The following NISCH variants were observed in gnomAD, a reference collection of about 807,000 sequenced individuals.
NISCH encodes nischarin.
NISCH carries 55 observed loss-of-function variants against 138.4 expected under a neutral mutation model. The observed-to-expected ratio is 0.40, with a 90% confidence interval of 0.32 to 0.50. The LOEUF is 0.50. NISCH is among the 20% of genes least tolerant of loss of function. NISCH has a pLI of 0.71. For synonymous variants in NISCH, 860 were observed against 861.5 expected, an observed-to-expected ratio of 1.00 and a Z score of 0.03; for missense variants, 1,643 against 2,005.5, an observed-to-expected ratio of 0.82 and a Z score of 3.45.
Position 52,477,612 on chromosome 3 carries a change from C to G in NISCH, c.957C>G (p.His319Gln), listed in dbSNP as rs1397220231. The change falls in exon 9 of 21, where the codon CAC (histidine) becomes CAG (glutamine). Residue 319 changes from histidine to glutamine, a missense_variant. His to Gln is a conservative substitution (Grantham distance 24, BLOSUM62 0). Coordinates refer to ENST00000345716, the MANE Select transcript of NISCH (RefSeq NM_007184.4). ...AGATTGAGTTCCTGGACCTGAGTCA[C>G]AATGGATTGCTGGTTGTGGACAATC... ...IPKIEFLDLSHNGLLVVDNLQ... is the reference protein window; with the variant it reads ...IPKIEFLDLSQNGLLVVDNLQ... The G allele has an allele frequency of 6.2e-7, 1 of 1,614,028 alleles. No homozygotes were observed. Among genetic ancestry groups the G allele is most frequent in the African/African-American group, 1.3e-5 (1 of 74,938 alleles).
chr3:52,463,011 G>A (rs1026684796), intron 3 of NISCH, among the ~76,000 whole-genome samples: 14 of 152,196 alleles, frequency 9.2e-5, no homozygotes, highest in Non-Finnish European at 2.1e-4. Context: ...CAATTCAGTA[G>A]TTTTTAGTAT....
At position 52,492,567 on chromosome 3, in the gene NISCH, A is replaced by T. The variant is rs1220872140; in HGVS notation, c.*85A>T. On this transcript the variant is annotated 3_prime_UTR_variant, in exon 21 of 21. Coordinates refer to ENST00000345716, the MANE Select transcript of NISCH (RefSeq NM_007184.4). ...CTTTTGTGTTCTCTAAAAATGTTTTATCCTCCCTTTGGTACCTTAATTTGA... is the reference window on the plus strand; with the variant it reads ...CTTTTGTGTTCTCTAAAAATGTTTTTTCCTCCCTTTGGTACCTTAATTTGA... 3 of 1,430,768 alleles carry T rather than the reference A, an allele frequency of 2.1e-6. No individual in the cohort carries two copies. In the African/African-American group the frequency reaches 4.3e-5, roughly 20 times the overall value. 88.6% of individuals were successfully genotyped at this position (1,430,768 alleles called of 1,614,324 possible). A position where few individuals can be genotyped will look rare whatever the true frequency, so the allele number is the denominator to read the frequency against.
intron 9 of NISCH, 32 bp from the exon 10 acceptor site, chr3:52,478,065 G>A (rs777571861): frequency 6.2e-6 from 10 of 1,609,246 alleles, no homozygotes; most frequent in Non-Finnish European, 7.6e-6. Context: ...CTTGACCTGA[G>A]CCACTTTACG....
In NISCH at chr3:52,455,678, G is replaced by A. The variant is rs747976352; in HGVS notation, c.37G>A (p.Ala13Thr). ...GCGCACCTTCGGGCCCGAGCGGGAAGCCGAGCCGGCCAAGGAAGCGCGCGT... is the reference window on the plus strand; with the variant it reads ...GCGCACCTTCGGGCCCGAGCGGGAAACCGAGCCGGCCAAGGAAGCGCGCGT... ...TARTFGPERE[A>T]EPAKEARVVG... is the part of the protein sequence containing the mutation. The change falls in exon 1 of 21, where the codon GCC becomes ACC. Residue 13 changes from alanine (A) to threonine (T), a missense_variant. Physicochemically the swap from Ala to Thr is moderately conservative, Grantham distance 58 (BLOSUM62 0). Coordinates refer to ENST00000345716, the MANE Select transcript of NISCH (RefSeq NM_007184.4). 1 of 1,361,378 alleles carries A rather than the reference G, an allele frequency of 7.3e-7. No homozygotes were observed. Among genetic ancestry groups the A allele is most frequent in the Non-Finnish European group, 9.5e-7 (1 of 1,047,426 alleles). 84.3% of individuals were successfully genotyped at this position (1,361,378 alleles called of 1,614,324 possible). A position where few individuals can be genotyped will look rare whatever the true frequency, so the allele number is the denominator to read the frequency against.
At position 52,489,657 on chromosome 3, in the gene NISCH, C is replaced by T. The variant is rs759591496; in HGVS notation, c.3435C>T (p.Leu1145=). ...TGCGGGGCAGCGCCATCATCGAGCT[C>T]TTCCACAGCAGCATTGCTGAGGTAG... ...ASLRGSAIIE[L]FHSSIAEVEN... The change falls in exon 17 of 21, where the codon CTC becomes CTT. Residue 1145 remains leucine, a synonymous_variant. Coordinates refer to ENST00000345716, the MANE Select transcript of NISCH (RefSeq NM_007184.4). 15 of 1,612,632 alleles carry T rather than the reference C, an allele frequency of 9.3e-6. No individual in the cohort carries two copies. In the Admixed American group the frequency reaches 1.5e-4, roughly 16 times the overall value.
chr3:52,484,940 G>A (rs1707368832), intron 14 of NISCH, among the ~76,000 whole-genome samples: 1 of 152,074 alleles, frequency 6.6e-6, no homozygotes, highest in African/African-American at 2.4e-5. Context: ...AGGTGGAGAG[G>A]GTGGCCCTTG....
chr3:52,472,300 C>T lies in NISCH; in HGVS notation c.574-3C>T. On this transcript the variant is annotated splice_polypyrimidine_tract_variant and splice_region_variant and intron_variant, in intron 5 of 20. Transcript: ENST00000345716. Reference sequence around the variant, plus strand: ...CCAATTTAAGCCTTATCTTTGGCTTCAGGTTTCTGGCACAGAAGGACCTTT... The same window carrying T: ...CCAATTTAAGCCTTATCTTTGGCTTTAGGTTTCTGGCACAGAAGGACCTTT... 1 of 1,613,972 alleles carries T rather than the reference C, an allele frequency of 6.2e-7. No individual in the cohort carries two copies. Among genetic ancestry groups the T allele is most frequent in the Non-Finnish European group, 8.5e-7 (1 of 1,179,868 alleles).
chr3:52,490,019 C>T, intron 17 of NISCH, 56 bp from the exon 18 acceptor site: 1 of 1,603,382 alleles, frequency 6.2e-7, no homozygotes, highest in South Asian at 1.1e-5. Flanking sequence ...GGGCATGTCC[C>T]TGGTATGTGC....
chr3:52,480,030 T>TG, intron 12 of NISCH, 154 bp from the exon 13 acceptor site: 4 of 964,872 alleles, frequency 4.1e-6, no homozygotes, highest in Non-Finnish European at 6.3e-6. Context: ...CTCTGTGGGG[T>TG]GGGGACAGTG....
intron 13 of NISCH, chr3:52,480,950 G>GGA (rs1178848859): frequency 1.3e-6 from 2 of 1,523,536 alleles, no homozygotes; most frequent in East Asian, 4.9e-5. Flanking sequence ...ACGGAAGAGG[G>GGA]GAGGGTGTGC....
Position 52,457,854 on chromosome 3 carries a change from C to T in NISCH, c.105C>T (p.Ile35=), listed in dbSNP as rs759027556. Residue 35 remains isoleucine (I), a synonymous_variant, in exon 2 of 21, where the codon ATC becomes ATT. Transcript: ENST00000345716. Reference sequence around the variant, plus strand: ...GTTTCCCCTTTTAGGTTTACATCATCCAGGTCACTGATGGCAGCCATGAGT... The same window carrying T: ...GTTTCCCCTTTTAGGTTTACATCATTCAGGTCACTGATGGCAGCCATGAGT... ...ELVDTYTVYI[I]QVTDGSHEWT... 9.9e-6 allele frequency: 16 copies of T among 1,611,580 alleles called. No individual in the cohort carries two copies. The South Asian group carries it at 1.3e-4, about 13-fold the overall frequency.
chr3:52,476,529 T>C lies in NISCH; in HGVS notation c.848T>C (p.Ile283Thr). 6.2e-7 allele frequency: 1 copy of C among 1,614,070 alleles called. No homozygotes were observed. The highest frequency in any genetic ancestry group is 8.5e-7 in the Non-Finnish European group (1 of 1,179,992). Residue 283 changes from isoleucine (I) to threonine (T), a missense_variant, in exon 8 of 21, where the codon ATC becomes ACC. By Grantham distance (89) the Ile-to-Thr change is moderately conservative. Transcript: ENST00000345716. The stretch of plus-strand genomic sequence containing the variant: ...CTAGAAGGCCCTGTGACTGCCGTCA[T>C]CCCCACTTGGCAGGCATTGACCACG... ...TTLEGPVTAV[I>T]PTWQALTTLD...
At chr3:52,468,250 C>T (rs1706841857) in intron 3 of NISCH, among the ~76,000 whole-genome samples, 1 of 152,076 alleles carries the variant, frequency 6.6e-6, no homozygotes, top group Admixed American at 6.5e-5. Flanking sequence ...CAGAGCGAGA[C>T]CCCGTCTCAA....
At chr3:52,463,006 C>T (rs1706679871) in intron 3 of NISCH, among the ~76,000 whole-genome samples, 1 of 152,162 alleles carries the variant, frequency 6.6e-6, no homozygotes, top group Non-Finnish European at 1.5e-5. Flanking sequence ...GTGTACAATT[C>T]AGTAGTTTTT....
intron 3 of NISCH, among the ~76,000 whole-genome samples, chr3:52,460,186 CAAAAAAAAAAA>C (rs60865450): frequency 1.1e-4 from 6 of 56,194 alleles, no homozygotes; most frequent in African/African-American, 1.5e-4. Flanking sequence ...GACTTCATCT[CAAAAAAAAAAA>C]AAAAAAAAAA....
chr3:52,487,509 G>A lies in NISCH; in HGVS notation c.2017G>A (p.Glu673Lys), dbSNP rs929898889. Residue 673 changes from glutamate to lysine, a missense_variant, in exon 16 of 21, where the codon GAA (glutamate) becomes AAA (lysine). By Grantham distance (56) the Glu-to-Lys change is moderately conservative. Coordinates refer to ENST00000345716, the MANE Select transcript of NISCH (RefSeq NM_007184.4). This position sits in a 1 kb window ranked among gnomAD's most constrained non-coding sequence, Gnocchi z 9.1. Reference sequence around the variant, plus strand: ...GGAGGAGGGAGGAGGCCAGGGGGAGGAAGAGGAGGAGGAAGAGGAGGATGA... The same window carrying A: ...GGAGGAGGGAGGAGGCCAGGGGGAGAAAGAGGAGGAGGAAGAGGAGGATGA... Reference protein sequence around the residue: ...EEEEGGGQGEEEEEEEEDEEA... With the variant: ...EEEEGGGQGEKEEEEEEDEEA... 1.3e-6 allele frequency: 2 copies of A among 1,598,170 alleles called. No homozygotes were observed. The highest frequency in any genetic ancestry group is 3.4e-5 in the Admixed American group (2 of 59,408).
Position 52,484,631 on chromosome 3 carries a change from G to T in NISCH, c.1647G>T (p.Ala549=), listed in dbSNP as rs745628221. ...CTGATTCCTTGGAGTCCATCCCTGCGGGACAGGTAATGCCCTCTTCCCGCT... is the reference window on the plus strand; with the variant it reads ...CTGATTCCTTGGAGTCCATCCCTGCTGGACAGGTAATGCCCTCTTCCCGCT... ...GCSDSLESIP[A]GQAASDDLRD... is the part of the protein sequence containing the mutation. Residue 549 remains alanine (A), a synonymous_variant, in exon 14 of 21, where the codon GCG becomes GCT. Transcript: ENST00000345716. 1 of 1,613,940 alleles carries T rather than the reference G, an allele frequency of 6.2e-7. No individual in the cohort carries two copies. Among genetic ancestry groups the T allele is most frequent in the Middle Eastern group, 1.6e-4 (1 of 6,062 alleles).
chr3:52,472,484 A>G lies in NISCH; in HGVS notation c.669+86A>G, dbSNP rs1706981601. The G allele has an allele frequency of 4.2e-6, 5 of 1,192,304 alleles. No individual in the cohort carries two copies. The East Asian group carries it at 9.4e-5, about 22-fold the overall frequency. 73.9% of individuals were successfully genotyped at this position (1,192,304 alleles called of 1,614,324 possible). A position where few individuals can be genotyped will look rare whatever the true frequency, so the allele number is the denominator to read the frequency against. On this transcript the variant is annotated intron_variant, in intron 6 of 20. Coordinates refer to ENST00000345716, the MANE Select transcript of NISCH (RefSeq NM_007184.4). ...TGATGTTGGGTGTCCTAATTTAATC[A>G]TAAGGTGCTGTGCTTTCGTGTTTGG...
chr3:52,480,606 A>G, intron 13 of NISCH: 23 of 1,429,778 alleles, frequency 1.6e-5, no homozygotes, highest in Non-Finnish European at 2.1e-5. Context: ...CTGTTGGCTC[A>G]TGGGACCCAT....
Sources: gnomAD v4.1 joint callset for allele counts (sites outside exome capture counted in the v4.1 genomes callset) on GRCh38, gnomAD v4.1.1 for gene constraint, Gnocchi (gnomAD v3.1) non-coding constraint, MANE v1.5 for transcripts, NCBI Gene and HGNC (gene_info 2026-07-23, HGNC 2026-07-21) for gene names.